SMC6: variants seen among roughly 807,000 people sequenced by gnomAD.
SMC6 encodes the protein structural maintenance of chromosomes protein 6.
Under a neutral mutation model 142.2 loss-of-function variants are expected in SMC6, and 79 were observed. The observed-to-expected ratio is 0.56, with a 90% CI of 0.46 to 0.67. The LOEUF is 0.67. Ranked by LOEUF, SMC6 falls within the 30% of genes least tolerant of loss-of-function variation. SMC6 has a pLI of 0.00. For synonymous variants in SMC6, 411 were observed against 412.4 expected, an observed-to-expected ratio of 1.00 and a Z score of 0.04; for missense variants, 1,072 against 1,284.0, an observed-to-expected ratio of 0.83 and a Z score of 2.52.
At chr2:17,712,617 C>G (rs1166950316) in intron 16 of SMC6, among the ~76,000 whole-genome samples, 2 of 152,160 alleles carry the variant, frequency 1.3e-5, no homozygotes, top group East Asian at 3.9e-4. Flanking sequence ...TTAAGGTTAT[C>G]TAGCGTAAGC....
chr2:17,695,968 G>T (rs935033459), intron 22 of SMC6, among the ~76,000 whole-genome samples: 2 of 152,128 alleles, frequency 1.3e-5, no homozygotes, highest in African/African-American at 4.8e-5. Flanking sequence ...CTCACTGGAA[G>T]GGGTGCCTTT....
chr2:17,740,629 C>A (rs549783587), intron 4 of SMC6: 1 of 358,108 alleles, frequency 2.8e-6, no homozygotes, highest in Non-Finnish European at 5.5e-6. Flanking sequence ...CCGAGGTGGG[C>A]GGATCACTTG....
chr2:17,697,589 A>C (rs1668065289), intron 21 of SMC6, among the ~76,000 whole-genome samples: 1 of 152,118 alleles, frequency 6.6e-6, no homozygotes, highest in East Asian at 1.9e-4. Flanking sequence ...CAATAAGAAC[A>C]TGAAAACTAC....
chr2:17,721,429 A>C (rs1669370433), intron 9 of SMC6, among the ~76,000 whole-genome samples, 168 bp from the exon 10 acceptor site: 1 of 152,236 alleles, frequency 6.6e-6, no homozygotes, highest in South Asian at 2.1e-4. Flanking sequence ...GTATACTTTT[A>C]GTAAGTCCAA....
chr2:17,693,835 A>G (rs929559842), intron 23 of SMC6, among the ~76,000 whole-genome samples: 3 of 151,900 alleles, frequency 2.0e-5, no homozygotes. Context: ...GTCTCCACTA[A>G]AAATACAAAA....
chr2:17,730,582 C>T (rs981605126), intron 7 of SMC6, among the ~76,000 whole-genome samples: 4 of 151,158 alleles, frequency 2.6e-5, no homozygotes, highest in Non-Finnish European at 5.9e-5. Flanking sequence ...TATTGACAGT[C>T]CTGTGTTGAA....
At chr2:17,730,603 CTTTT>C (rs397870131) in intron 7 of SMC6, among the ~76,000 whole-genome samples, 4 of 134,676 alleles carry the variant, frequency 3.0e-5, no homozygotes, top group Non-Finnish European at 1.6e-5. Context: ...TTAATAAATT[CTTTT>C]TTTTTTTTTT....
At chr2:17,696,715 G>T (rs1038516666) in intron 21 of SMC6, among the ~76,000 whole-genome samples, 2 of 152,106 alleles carry the variant, frequency 1.3e-5, no homozygotes, top group Non-Finnish European at 2.9e-5. Context: ...TTAAAACAAT[G>T]CAAGTGTTAG....
At chr2:17,732,947 G>C (rs1322051654) in intron 5 of SMC6, among the ~76,000 whole-genome samples, 1 of 152,012 alleles carries the variant, frequency 6.6e-6, no homozygotes, top group Non-Finnish European at 1.5e-5. Flanking sequence ...ACTCCAACTT[G>C]TGTTAAAATA....
At position 17,664,557 on chromosome 2, in the gene SMC6, A is replaced by G. The variant is rs149158957; in HGVS notation, c.*942T>C. ...AAACAAATAATACAGGGAGCAATAAAATTCATGTTTTCTAAAATAAAAAGT... is the reference window on the plus strand; with the variant it reads ...AAACAAATAATACAGGGAGCAATAAGATTCATGTTTTCTAAAATAAAAAGT... On this transcript the variant is annotated 3_prime_UTR_variant, in exon 28 of 28. Transcript: ENST00000448223. 4 of 152,362 alleles carry G rather than the reference A, an allele frequency of 2.6e-5. No individual in the cohort carries two copies. Among genetic ancestry groups the G allele is most frequent in the Non-Finnish European group, 4.4e-5 (3 of 68,036 alleles). 9.4% of individuals were successfully genotyped at this position (152,362 alleles called of 1,614,324 possible).
At chr2:17,678,059 T>G (rs1667080005) in intron 25 of SMC6, among the ~76,000 whole-genome samples, 2 of 152,224 alleles carry the variant, frequency 1.3e-5, no homozygotes, top group South Asian at 4.1e-4. Context: ...AACACATGAC[T>G]ATGAAAGAAC....
chr2:17,678,746 A>G, intron 25 of SMC6, 113 bp downstream of exon 25: 1 of 723,808 alleles, frequency 1.4e-6, no homozygotes, highest in Non-Finnish European at 2.3e-6. Context: ...ACTGCACTCC[A>G]GCCTGGGCAA....
Position 17,673,104 on chromosome 2 carries a change from T to A in SMC6, c.2911-2529A>T, listed in dbSNP as rs150547858. 1.5e-4 allele frequency among the ~76,000 whole-genome samples: 23 copies of A among 152,296 alleles called. No individual in the cohort carries two copies. The East Asian group carries it at 4.2e-3, about 28-fold the overall frequency. On this transcript the variant is annotated intron_variant, in intron 25 of 27. Coordinates refer to ENST00000448223, the MANE Select transcript of SMC6 (RefSeq NM_001142286.2). ...GTCTTGTTCATTTTCATCATCATCA[T>A]AACGGTGTGACAGTAACTTACTGTG...
intron 24 of SMC6, 42 bp downstream of exon 24, chr2:17,683,596 C>T: frequency 6.6e-7 from 1 of 1,511,454 alleles, no homozygotes; most frequent in Non-Finnish European, 9.0e-7. Flanking sequence ...CAGAGAAACA[C>T]AAAAATGTAT....
chr2:17,736,614 C>T (rs1449357536), intron 5 of SMC6, among the ~76,000 whole-genome samples: 9 of 151,914 alleles, frequency 5.9e-5, no homozygotes, highest in Non-Finnish European at 1.2e-4. Flanking sequence ...GTGGCTCACA[C>T]CTGTAATTCC....
At position 17,716,226 on chromosome 2, in the gene SMC6, T is replaced by C; in HGVS notation, c.1385A>G (p.Asn462Ser). Residue 462 changes from asparagine (N) to serine (S), a missense_variant, in exon 15 of 28, where the codon AAT becomes AGT. Physicochemically the swap from Asn to Ser is conservative, Grantham distance 46. Coordinates refer to ENST00000448223, the MANE Select transcript of SMC6 (RefSeq NM_001142286.2). Reference sequence around the variant, plus strand: ...TTTCAATTCTTTCAGTTGCCTCTGATTGTAGCTCAGTGCATGCTTCACATC... The same window carrying C: ...TTTCAATTCTTTCAGTTGCCTCTGACTGTAGCTCAGTGCATGCTTCACATC... ...ELDVKHALSYNQRQLKELKDS... is the reference protein window; with the variant it reads ...ELDVKHALSYSQRQLKELKDS... 3.1e-6 allele frequency: 5 copies of C among 1,612,268 alleles called. No homozygotes were observed. The highest frequency in any genetic ancestry group is 4.2e-6 in the Non-Finnish European group (5 of 1,179,470).
chr2:17,706,631 T>A (rs1668524897), intron 18 of SMC6, among the ~76,000 whole-genome samples: 1 of 152,184 alleles, frequency 6.6e-6, no homozygotes, highest in Non-Finnish European at 1.5e-5. Flanking sequence ...ATCAACTGAA[T>A]GAATTCAGTT....
chr2:17,665,591 T>C lies in SMC6; in HGVS notation c.3184A>G (p.Ile1062Val), dbSNP rs1205865428. Residue 1062 changes from isoleucine (I) to valine (V), a missense_variant, in exon 28 of 28, where the codon ATA becomes GTA. Physicochemically the swap from Ile to Val is conservative, Grantham distance 29 (BLOSUM62 3). This residue lies in a region of SMC6 where 76 missense variants were observed against 112.3 expected (regional missense o/e 0.68). Transcript: ENST00000448223. The stretch of plus-strand genomic sequence containing the variant: ...GGATCAGACATTCGGAGAATTCTTA[T>C]CAGTTTACTGGATGGAAGTGAACTA... ...SMSSLPSSKL[I>V]RILRMSDPER... 3.1e-6 allele frequency: 5 copies of C among 1,610,446 alleles called. No individual in the cohort carries two copies. The highest frequency in any genetic ancestry group is 1.7e-5 in the Admixed American group (1 of 59,714).
chr2:17,707,100 G>A lies in SMC6; in HGVS notation c.2006+119C>T, dbSNP rs112740839. The A allele has an allele frequency of 5.1e-4, 363 of 705,294 alleles. No homozygotes were observed. The African/African-American group carries it at 5.5e-3, about 11-fold the overall frequency. The allele number at this position is 705,294 out of a possible 1,614,324, so 43.7% of individuals were successfully genotyped here. ...TAGCTAAGTGATGTTTTAAGACCAA[G>A]CACTGAGATAGATTACTCACGTCCT... On this transcript the variant is annotated intron_variant, in intron 18 of 27. Transcript: ENST00000448223.
Sources: gnomAD v4.1 joint callset for allele counts (sites outside exome capture counted in the v4.1 genomes callset) on GRCh38, gnomAD v4.1.1 for gene constraint, gnomAD v4.1.1 regional missense constraint, MANE v1.5 for transcripts, NCBI Gene and HGNC (gene_info 2026-07-23, HGNC 2026-07-21) for gene names.